Variants in MAPK10 observed in about 807,000 individuals in gnomAD.
MAPK10 encodes JNK3 alpha protein kinase.
A neutral mutation model predicts 59.3 loss-of-function variants in MAPK10; 25 were observed. That is an observed-to-expected ratio of 0.42 (90% CI 0.31 to 0.59). The LOEUF (loss-of-function observed/expected upper bound fraction) is 0.59. MAPK10 is among the 20% of genes least tolerant of loss of function. MAPK10 has a pLI of 0.15. For missense variants in MAPK10, 351 were observed against 568.9 expected, an observed-to-expected ratio of 0.62 and a Z score of 3.90; for synonymous variants, 190 against 200.5, an observed-to-expected ratio of 0.95 and a Z score of 0.44.
At chr4:86,586,448 C>T (rs1762657832) in intron 1 of MAPK10, among the ~76,000 whole-genome samples, 1 of 152,206 alleles carries the variant, frequency 6.6e-6, no homozygotes, top group Non-Finnish European at 1.5e-5. Context: ...CTCTTTCCTA[C>T]TTCCCCTTCG....
intron 9 of MAPK10, among the ~76,000 whole-genome samples, chr4:86,071,142 G>A (rs7667297): frequency 0.026 from 3,971 of 152,090 alleles, 173 homozygotes; most frequent in African/African-American, 0.091. Flanking sequence ...CTGATGGCCA[G>A]TGATGATGAG....
At chr4:86,088,303 C>G (rs952317684) in intron 9 of MAPK10, among the ~76,000 whole-genome samples, 3 of 152,146 alleles carry the variant, frequency 2.0e-5, no homozygotes, top group Non-Finnish European at 4.4e-5. Flanking sequence ...CAGCTAGTTT[C>G]TTTGTTGCTG....
chr4:86,415,462 C>T (rs761822395), intron 1 of MAPK10, among the ~76,000 whole-genome samples: 9 of 152,090 alleles, frequency 5.9e-5, no homozygotes, highest in South Asian at 2.1e-4. Context: ...TTAGGAAAAA[C>T]GGGTATTGTG....
chr4:86,274,137 C>T (rs1289038026), intron 2 of MAPK10, among the ~76,000 whole-genome samples: 4 of 151,954 alleles, frequency 2.6e-5, no homozygotes, highest in Non-Finnish European at 5.9e-5. Context: ...TGAGTTTTAG[C>T]TGGAGATAAA....
At chr4:86,364,255 T>G (rs1737466106), upstream of MAPK10, among the ~76,000 whole-genome samples, 1 of 152,108 alleles carries the variant, frequency 6.6e-6, no homozygotes, top group Non-Finnish European at 1.5e-5. Context: ...GCCTCCTGAG[T>G]ACCTGGGACC....
chr4:86,208,972 A>G (rs1481566255), intron 2 of MAPK10, among the ~76,000 whole-genome samples: 1 of 152,108 alleles, frequency 6.6e-6, no homozygotes, highest in Non-Finnish European at 1.5e-5. Flanking sequence ...TATATAAGAC[A>G]CTAATTGCTT....
chr4:86,041,466 GAA>G (rs1306352420), intron 11 of MAPK10, among the ~76,000 whole-genome samples: 2 of 152,026 alleles, frequency 1.3e-5, no homozygotes, highest in African/African-American at 4.8e-5. Context: ...TGCAACAAAA[GAA>G]AAATTGACAA....
intron 9 of MAPK10, 83 bp downstream of exon 9, chr4:86,098,441 T>C (rs2054643168): frequency 6.3e-7 from 1 of 1,591,820 alleles, no homozygotes; most frequent in South Asian, 1.1e-5. Flanking sequence ...GCTTCTATCT[T>C]TACTCTCCTG....
chr4:86,356,553 CA>C, intron 1 of MAPK10: 5 of 612,450 alleles, frequency 8.2e-6, no homozygotes, highest in Non-Finnish European at 1.0e-5. Context: ...ATATGCAAAA[CA>C]CAGGTTTTGT....
chr4:86,273,740 G>T (rs1045166938), intron 2 of MAPK10, among the ~76,000 whole-genome samples: 3 of 151,844 alleles, frequency 2.0e-5, no homozygotes, highest in Non-Finnish European at 4.4e-5. Flanking sequence ...AATAACTTAG[G>T]GGGTAAAGCA....
At chr4:86,473,855 G>C (rs1418692192) in intron 1 of MAPK10, among the ~76,000 whole-genome samples, 1 of 152,144 alleles carries the variant, frequency 6.6e-6, no homozygotes, top group African/African-American at 2.4e-5. Context: ...ATATCCTCCA[G>C]GCATGAGAGT....
Position 86,427,038 on chromosome 4 carries a change from A to T in MAPK10, c.-122+25992T>A, listed in dbSNP as rs1448505756. Among the ~76,000 whole-genome samples the T allele has an allele frequency of 2.0e-5, 3 of 151,960 alleles. No individual in the cohort carries two copies. The East Asian group carries it at 5.8e-4, about 29-fold the overall frequency. ...TTTGAGAGGCTGAGGCGGGCAGATC[A>T]CGAGGTCAAGAGATCGAGACCATCC... On this transcript the variant is annotated intron_variant, in intron 1 of 13. Transcript: ENST00000361569.
intron 9 of MAPK10, among the ~76,000 whole-genome samples, chr4:86,071,211 T>C (rs141174017): frequency 6.6e-6 from 1 of 152,368 alleles, no homozygotes; most frequent in East Asian, 1.9e-4. Flanking sequence ...TCTCTGTTGA[T>C]GACCTTCGCC....
chr4:86,047,484 A>G (rs1265531882), intron 11 of MAPK10, among the ~76,000 whole-genome samples: 1 of 152,172 alleles, frequency 6.6e-6, no homozygotes, highest in Non-Finnish European at 1.5e-5. Flanking sequence ...GTGATATCAG[A>G]AAAGTAGGCA....
chr4:86,533,022 T>C (rs1757955960), intron 1 of MAPK10, among the ~76,000 whole-genome samples: 1 of 152,040 alleles, frequency 6.6e-6, no homozygotes, highest in African/African-American at 2.4e-5. Flanking sequence ...TCTTAGCCTA[T>C]GAACTGCCTC....
chr4:86,512,665 A>C (rs1756368996), intron 1 of MAPK10, among the ~76,000 whole-genome samples: 1 of 152,184 alleles, frequency 6.6e-6, no homozygotes, highest in Middle Eastern at 3.2e-3. Context: ...TACAGACTAG[A>C]CTATATCCTG....
chr4:86,544,956 A>G (rs1022715911), intron 1 of MAPK10, among the ~76,000 whole-genome samples: 1 of 152,106 alleles, frequency 6.6e-6, no homozygotes, highest in Non-Finnish European at 1.5e-5. Context: ...TTGAAATGGA[A>G]GGGAGAAAGA....
chr4:86,461,323 T>C (rs1751720315), intron 1 of MAPK10, among the ~76,000 whole-genome samples: 1 of 152,050 alleles, frequency 6.6e-6, no homozygotes, highest in Admixed American at 6.6e-5. Context: ...TTGAAGTGGA[T>C]GGGGAAGGCA....
chr4:86,218,738 G>A (rs2088594305), intron 2 of MAPK10, among the ~76,000 whole-genome samples: 1 of 152,152 alleles, frequency 6.6e-6, no homozygotes, highest in Non-Finnish European at 1.5e-5. Context: ...GAGAGGTGCT[G>A]AACTTACATG....
Sources: gnomAD v4.1 joint callset for allele counts (sites outside exome capture counted in the v4.1 genomes callset) on GRCh38, gnomAD v4.1.1 for gene constraint, MANE v1.5 for transcripts, NCBI Gene and HGNC (gene_info 2026-07-23, HGNC 2026-07-21) for gene names.